The following RNF213 variants were observed in gnomAD, a reference collection of about 807,000 sequenced individuals.
RNF213 encodes the protein ring finger protein 213.
Under a neutral mutation model 514.4 loss-of-function variants are expected in RNF213, and 341 were observed. The observed-to-expected ratio is 0.66, with a 90% CI of 0.61 to 0.73. RNF213 has a LOEUF of 0.73. Among genes scored for constraint, RNF213 ranks in the 30% least tolerant of loss-of-function variants. The probability of loss-of-function intolerance (pLI) is 0.00; values close to 1 mark genes in which losing one functional copy is unlikely to be tolerated. For missense variants in RNF213, 5,767 were observed against 6,615.6 expected, an observed-to-expected ratio of 0.87 and a Z score of 4.45; for synonymous variants, 2,655 against 2,658.2, an observed-to-expected ratio of 1.00 and a Z score of 0.04.
chr17:80,295,001 G>C lies in RNF213; in HGVS notation c.1753G>C (p.Glu585Gln). 6.2e-7 allele frequency: 1 copy of C among 1,614,170 alleles called. No homozygotes were observed. The highest frequency in any genetic ancestry group is 8.5e-7 in the Non-Finnish European group (1 of 1,180,040). ...LWTDLQYREK[E>Q]VKRYLWQHLK... Reference sequence around the variant, plus strand: ...GACCGATTTGCAGTACAGGGAGAAAGAGGTATCAGGCTTGCCACCAGCTGC... The same window carrying C: ...GACCGATTTGCAGTACAGGGAGAAACAGGTATCAGGCTTGCCACCAGCTGC... Residue 585 changes from glutamate to glutamine, a missense_variant and splice_region_variant, in exon 9 of 68, where the codon GAG becomes CAG. This residue lies in a region of RNF213 where 592 missense variants were observed against 673.9 expected (regional missense o/e 0.88). Transcript: ENST00000582970.
chr17:80,379,745 A>G (rs774300433), intron 55 of RNF213, 31 bp downstream of exon 55: 1 of 1,588,224 alleles, frequency 6.3e-7, no homozygotes, highest in Non-Finnish European at 8.6e-7. Context: ...TTTCCTAAGT[A>G]CTCAAACTTT....
chr17:80,296,768 G>A (rs1356529485), intron 10 of RNF213, among the ~76,000 whole-genome samples: 2 of 152,120 alleles, frequency 1.3e-5, no homozygotes, highest in East Asian at 3.9e-4. Context: ...TGCAGCTTCA[G>A]CCTCACAGAC....
intron 11 of RNF213, among the ~76,000 whole-genome samples, chr17:80,304,576 C>G (rs991214893): frequency 6.6e-6 from 1 of 150,954 alleles, no homozygotes; most frequent in Non-Finnish European, 1.5e-5. Context: ...GTAGGCAGAG[C>G]TTGCAGTGAG....
intron 63 of RNF213, 51 bp from the exon 64 acceptor site, chr17:80,388,561 A>C (rs768132103): frequency 8.3e-7 from 1 of 1,208,506 alleles, no homozygotes; most frequent in Non-Finnish European, 1.2e-6. Flanking sequence ...ATCTGCTGGA[A>C]ATGTCCACGA....
At chr17:80,329,020 G>A (rs562387745) in intron 20 of RNF213, among the ~76,000 whole-genome samples, 6 of 152,110 alleles carry the variant, frequency 3.9e-5, no homozygotes, top group Admixed American at 6.5e-5. Flanking sequence ...TAATTCCATC[G>A]CAATCTCTGC....
chr17:80,349,262 A>C (rs1276573395), intron 29 of RNF213, among the ~76,000 whole-genome samples: 15 of 152,184 alleles, frequency 9.9e-5, no homozygotes. Flanking sequence ...AGCTGGACGT[A>C]GGAATCTGAG....
rs113139767 is a variant in RNF213, at chr17:80,334,117, G to T, written c.4156G>T (p.Asp1386Tyr). ...NTLLNFTDNFDDFRRETLDQI... is the reference protein window; with the variant it reads ...NTLLNFTDNFYDFRRETLDQI... The stretch of plus-strand genomic sequence containing the variant: ...CTTTTTCTTGCAGACTGATAACTTC[G>T]ACGACTTTCGCCGTGAAACACTGGA... The change falls in exon 22 of 68, where the codon GAC (aspartate) becomes TAC (tyrosine). Residue 1386 changes from aspartate (D) to tyrosine (Y), a missense_variant. Transcript: ENST00000582970. The T allele has an allele frequency of 3.3e-6, 5 of 1,537,160 alleles. No homozygotes were observed. The highest frequency in any genetic ancestry group is 3.5e-6 in the Non-Finnish European group (4 of 1,146,886).
chr17:80,321,901 T>A (rs974007958), intron 17 of RNF213, among the ~76,000 whole-genome samples: 1 of 150,292 alleles, frequency 6.7e-6, no homozygotes, highest in African/African-American at 2.4e-5. Flanking sequence ...AATTTTTGTA[T>A]TTTTGGTAGA....
rs201599942 is a variant in RNF213, at chr17:80,298,468, C to G, written c.2160C>G (p.Ala720=). ...GGAGACAGCCTGAGGACACCTGGGC[C>G]GCTCTGGAGGGACTCTCCTTCTCAC... ...DAWRQPEDTW[A]ALEGLSFSPF... The change falls in exon 11 of 68, where the codon GCC becomes GCG. Residue 720 remains alanine, a synonymous_variant. Coordinates refer to ENST00000582970, the MANE Select transcript of RNF213 (RefSeq NM_001256071.3). 2 of 1,614,158 alleles carry G rather than the reference C, an allele frequency of 1.2e-6. No individual in the cohort carries two copies. Among genetic ancestry groups the G allele is most frequent in the Non-Finnish European group, 1.7e-6 (2 of 1,180,042 alleles).
At chr17:80,381,065 G>A (rs925721869) in intron 56 of RNF213, 78 bp downstream of exon 56, 28 of 1,414,150 alleles carry the variant, frequency 2.0e-5, no homozygotes, top group Non-Finnish European at 2.4e-5. Context: ...CTTTTGTCTT[G>A]AGTCCTAGCT....
intron 1 of RNF213, among the ~76,000 whole-genome samples, chr17:80,261,251 G>A (rs1016207280): frequency 1.3e-5 from 2 of 152,190 alleles, no homozygotes; most frequent in Non-Finnish European, 2.9e-5. Flanking sequence ...TGTAGTGGAA[G>A]GGGACAGCCG....
chr17:80,313,683 ATGG>A (rs531224430), intron 15 of RNF213, among the ~76,000 whole-genome samples: 1,666 of 111,300 alleles, frequency 0.015, 20 homozygotes, highest in Middle Eastern at 0.052. Context: ...AATGGAGGTG[ATGG>A]TGGTGGTGAA....
At position 80,273,353 on chromosome 17, in the gene RNF213, G is replaced by C. The variant is rs2043894083; in HGVS notation, c.210G>C (p.Trp70Cys). 1 of 1,613,262 alleles carries C rather than the reference G, an allele frequency of 6.2e-7. No homozygotes were observed. The highest frequency in any genetic ancestry group is 1.7e-5 in the Admixed American group (1 of 59,982). Residue 70 changes from tryptophan (W) to cysteine (C), a missense_variant, in exon 3 of 68, where the codon TGG becomes TGC. Trp to Cys is a radical substitution (Grantham distance 215). Coordinates refer to ENST00000582970, the MANE Select transcript of RNF213 (RefSeq NM_001256071.3). ...GPCLFPGSDS[W>C]QENPEEPCSK... The stretch of plus-strand genomic sequence containing the variant: ...GCTTGTTCCCGGGCTCAGACAGTTG[G>C]CAAGAAAACCCCGAGGAGCCCTGTT...
chr17:80,340,937 T>G (rs2078139924), intron 26 of RNF213: 1 of 155,826 alleles, frequency 6.4e-6, no homozygotes, highest in Admixed American at 6.3e-5. Flanking sequence ...CCCAAGTAGC[T>G]AGGACTACAG....
At chr17:80,324,129 T>C (rs781119041) in intron 17 of RNF213, among the ~76,000 whole-genome samples, 19 of 152,230 alleles carry the variant, frequency 1.2e-4, no homozygotes, top group Non-Finnish European at 5.9e-5. Context: ...CAGTACAATG[T>C]TGAATGAAAG....
intron 15 of RNF213, among the ~76,000 whole-genome samples, chr17:80,314,048 G>A (rs1167046203): frequency 1.1e-5 from 1 of 89,190 alleles, no homozygotes; most frequent in African/African-American, 6.4e-5. Context: ...TGATGGTGGA[G>A]GTGGTGGAGG....
At chr17:80,374,849 A>G in intron 50 of RNF213, 1 of 487,528 alleles carries the variant, frequency 2.1e-6, no homozygotes, top group South Asian at 2.1e-5. Context: ...CAAGTCCATC[A>G]GCAGCGCCTT....
intron 54 of RNF213, among the ~76,000 whole-genome samples, chr17:80,379,065 G>C (rs1375035744): frequency 6.6e-6 from 1 of 151,382 alleles, no homozygotes; most frequent in African/African-American, 2.5e-5. Flanking sequence ...ATGCGTGCAT[G>C]CGTGTGGTCC....
Position 80,353,948 on chromosome 17 carries a change from ATAC to A in RNF213, c.10579-70_10579-68del. The A allele has an allele frequency of 6.3e-7, 1 of 1,595,328 alleles. No individual in the cohort carries two copies. Among genetic ancestry groups the A allele is most frequent in the East Asian group, 2.2e-5 (1 of 44,694 alleles). ...TTTGCTGCATTGAGACCCTCATCGCATACGGGCGGTTTGGCTTTTGCCCACTGT... is the reference window on the plus strand; with the variant it reads ...TTTGCTGCATTGAGACCCTCATCGCAGGGCGGTTTGGCTTTTGCCCACTGT... On this transcript the variant is annotated intron_variant, in intron 34 of 67. Coordinates refer to ENST00000582970, the MANE Select transcript of RNF213 (RefSeq NM_001256071.3). This position sits in a 1 kb window ranked among gnomAD's most constrained non-coding sequence, Gnocchi z 5.0.
Sources: gnomAD v4.1 joint callset for allele counts (sites outside exome capture counted in the v4.1 genomes callset) on GRCh38, gnomAD v4.1.1 for gene constraint, gnomAD v4.1.1 regional missense constraint, Gnocchi (gnomAD v3.1) non-coding constraint, MANE v1.5 for transcripts, NCBI Gene and HGNC (gene_info 2026-07-23, HGNC 2026-07-21) for gene names.